Variants in UNC5C observed in about 807,000 individuals in gnomAD.
UNC5C encodes unc-5 netrin receptor C.
UNC5C carries 47 observed loss-of-function variants against 99.8 expected under a neutral mutation model. The observed-to-expected ratio is 0.47, with a 90% CI of 0.37 to 0.60. The LOEUF (loss-of-function observed/expected upper bound fraction) is 0.60, where lower values mean the gene tolerates loss of function less well. Among genes scored for constraint, UNC5C ranks in the 20% least tolerant of loss-of-function variants. The pLI is 0.00. For missense variants in UNC5C, 1,062 were observed against 1,165.9 expected (o/e 0.91, Z 1.30); for synonymous variants, 487 against 452.2 (o/e 1.08, Z -0.98).
intron 2 of UNC5C, among the ~76,000 whole-genome samples, chr4:95,308,948 G>A (rs1742165703): frequency 6.6e-6 from 1 of 151,888 alleles, no homozygotes; most frequent in South Asian, 2.1e-4. Flanking sequence ...AATTCATATA[G>A]AATCACAAAA....
At chr4:95,478,693 T>C (rs17024032) in intron 1 of UNC5C, among the ~76,000 whole-genome samples, 4,426 of 152,118 alleles carry the variant, frequency 0.029, 97 homozygotes, top group African/African-American at 0.067. Flanking sequence ...GTAGATACAA[T>C]TGACTCTAAT....
At chr4:95,384,545 A>T (rs1018366298) in intron 1 of UNC5C, among the ~76,000 whole-genome samples, 1 of 152,198 alleles carries the variant, frequency 6.6e-6, no homozygotes, top group African/African-American at 2.4e-5. Context: ...GCTGGACCAC[A>T]GTCAACACTG....
intron 14 of UNC5C, among the ~76,000 whole-genome samples, chr4:95,176,533 G>T (rs1009309842): frequency 9.2e-5 from 14 of 151,760 alleles, no homozygotes; most frequent in African/African-American, 3.4e-4. Flanking sequence ...CTGCTGGGGG[G>T]TGCCTCCCAG....
chr4:95,475,575 G>GAT (rs972013342), intron 1 of UNC5C, among the ~76,000 whole-genome samples: 2 of 151,950 alleles, frequency 1.3e-5, no homozygotes, highest in Non-Finnish European at 2.9e-5. Context: ...ATTTGAAATA[G>GAT]ATATATATTC....
intron 7 of UNC5C, among the ~76,000 whole-genome samples, chr4:95,238,384 G>A (rs1407029682): frequency 6.6e-6 from 1 of 152,004 alleles, no homozygotes; most frequent in African/African-American, 2.4e-5. Flanking sequence ...TATAACAGTG[G>A]AATCAAGGAA....
At chr4:95,220,229 T>C in intron 7 of UNC5C, 53 bp from the exon 8 acceptor site, 1 of 1,496,070 alleles carries the variant, frequency 6.7e-7, no homozygotes, top group Non-Finnish European at 9.0e-7. Flanking sequence ...TTTCCCACAG[T>C]ACACATATGT....
At chr4:95,547,728 C>A (rs556136745) in intron 1 of UNC5C, among the ~76,000 whole-genome samples, 1 of 152,322 alleles carries the variant, frequency 6.6e-6, no homozygotes, top group East Asian at 1.9e-4. Flanking sequence ...AGGGGACAGC[C>A]TTGGCTCTTT....
At chr4:95,423,359 T>C (rs1433270478) in intron 1 of UNC5C, among the ~76,000 whole-genome samples, 3 of 152,218 alleles carry the variant, frequency 2.0e-5, no homozygotes, top group Non-Finnish European at 2.9e-5. Flanking sequence ...GCTGTTTCTG[T>C]ATGGCAGGAG....
intron 1 of UNC5C, among the ~76,000 whole-genome samples, chr4:95,443,771 A>G (rs1199638069): frequency 6.6e-6 from 1 of 152,000 alleles, no homozygotes; most frequent in Non-Finnish European, 1.5e-5. Flanking sequence ...GTTTCTTTTT[A>G]TTATTATTCT....
intron 1 of UNC5C, among the ~76,000 whole-genome samples, chr4:95,395,002 G>A (rs1005365974): frequency 6.6e-6 from 1 of 152,128 alleles, no homozygotes; most frequent in Non-Finnish European, 1.5e-5. Flanking sequence ...TTAACTCAAA[G>A]GGCAAAGATT....
chr4:95,548,248 C>T (rs1190109897), intron 1 of UNC5C, among the ~76,000 whole-genome samples: 3 of 152,082 alleles, frequency 2.0e-5, no homozygotes, highest in Non-Finnish European at 4.4e-5. Flanking sequence ...GAGCGCCCTT[C>T]GGGGTCTAGT....
intron 1 of UNC5C, among the ~76,000 whole-genome samples, chr4:95,480,517 A>T (rs1721105913): frequency 6.6e-6 from 1 of 151,896 alleles, no homozygotes; most frequent in African/African-American, 2.4e-5. Flanking sequence ...CTACCATTAT[A>T]CACAGCCTAC....
At chr4:95,491,448 A>G (rs953572267) in intron 1 of UNC5C, among the ~76,000 whole-genome samples, 4 of 151,636 alleles carry the variant, frequency 2.6e-5, no homozygotes, top group African/African-American at 9.7e-5. Flanking sequence ...AAAACTGCCC[A>G]TCTATATATA....
At chr4:95,461,758 C>T (rs764963717) in intron 1 of UNC5C, among the ~76,000 whole-genome samples, 2 of 152,118 alleles carry the variant, frequency 1.3e-5, no homozygotes, top group African/African-American at 2.4e-5. Flanking sequence ...CAGCACCAAC[C>T]GAACCTGGTA....
intron 3 of UNC5C, among the ~76,000 whole-genome samples, chr4:95,286,844 A>G (rs532802449): frequency 1.1e-4 from 17 of 152,304 alleles, no homozygotes; most frequent in Admixed American, 1.0e-3. Context: ...TGACTAACAG[A>G]AGTTGGTAAT....
intron 12 of UNC5C, among the ~76,000 whole-genome samples, chr4:95,195,973 T>C (rs950028561): frequency 2.6e-5 from 4 of 152,082 alleles, no homozygotes; most frequent in Admixed American, 6.6e-5. Context: ...TGTCAGAAAT[T>C]CAATAAATAT....
At chr4:95,347,828 CTCT>C (rs1220194438) in intron 1 of UNC5C, among the ~76,000 whole-genome samples, 1 of 151,974 alleles carries the variant, frequency 6.6e-6, no homozygotes, top group African/African-American at 2.4e-5. Context: ...ATTGGGGAAA[CTCT>C]GCAGGACATT....
In UNC5C at chr4:95,372,604, T is replaced by G. The variant is rs370392211; in HGVS notation, c.125-36973A>C. Among the ~76,000 whole-genome samples, 32 of 152,350 alleles carry G rather than the reference T, an allele frequency of 2.1e-4. No homozygotes were observed. In the South Asian group the frequency reaches 4.3e-3, roughly 21 times the overall value. On this transcript the variant is annotated intron_variant, in intron 1 of 15. Coordinates refer to ENST00000453304, the MANE Select transcript of UNC5C (RefSeq NM_003728.4). ...TTTATGGGATTTAACATCCTGATTT[T>G]TAGTTTCTTTGGCCCTGTTTGGGTA...
intron 1 of UNC5C, among the ~76,000 whole-genome samples, chr4:95,520,042 G>T (rs1455262996): frequency 6.6e-6 from 1 of 152,070 alleles, no homozygotes; most frequent in African/African-American, 2.4e-5. Flanking sequence ...AAGTAGGTAG[G>T]AATCTCTCGC....
Sources: gnomAD v4.1 joint callset for allele counts (sites outside exome capture counted in the v4.1 genomes callset) on GRCh38, gnomAD v4.1.1 for gene constraint, MANE v1.5 for transcripts, NCBI Gene and HGNC (gene_info 2026-07-23, HGNC 2026-07-21) for gene names.